AKNA: variants seen among roughly 807,000 people sequenced by gnomAD.
AKNA encodes the protein microtubule organization protein AKNA.
A neutral mutation model predicts 138.8 loss-of-function variants in AKNA; 67 were observed. The observed-to-expected ratio is 0.48, with a 90% CI of 0.40 to 0.59. The LOEUF is 0.59. AKNA is among the 20% of genes least tolerant of loss of function. The pLI, the probability that AKNA is intolerant of heterozygous loss-of-function variation, is 0.00. For synonymous variants in AKNA, 737 were observed against 754.4 expected, an observed-to-expected ratio of 0.98 and a Z score of 0.38; for missense variants, 1,813 against 1,880.4, an observed-to-expected ratio of 0.96 and a Z score of 0.66.
chr9:114,343,768 G>A lies in AKNA; in HGVS notation c.3697C>T (p.Pro1233Ser). Residue 1233 changes from proline (P) to serine (S), a missense_variant, in exon 19 of 22, where the codon CCA becomes TCA. Pro to Ser is a moderately conservative substitution (Grantham distance 74, BLOSUM62 -1). Transcript: ENST00000374088. ...CAGGAGACTGTGCCATTGCCTTTTG[G>A]GACCGCCTTAGGGGACAGAACATGG... is the stretch of plus-strand genomic sequence containing the variant. ...EYHVLSPKAV[P>S]KGNGTVSCPH... is the part of the protein sequence containing the mutation. The A allele has an allele frequency of 3.1e-6, 5 of 1,614,138 alleles. No individual in the cohort carries two copies. In the Admixed American group the frequency reaches 8.3e-5, roughly 27 times the overall value.
At chr9:114,369,418 T>C (rs1210805317) in intron 4 of AKNA, among the ~76,000 whole-genome samples, 1 of 152,218 alleles carries the variant, frequency 6.6e-6, no homozygotes, top group Non-Finnish European at 1.5e-5. Flanking sequence ...AGAGACTATA[T>C]GCTCCACAAA....
intron 17 of AKNA, 103 bp downstream of exon 17, chr9:114,346,566 T>G (rs1830701198): frequency 1.1e-6 from 1 of 897,962 alleles, no homozygotes; most frequent in Admixed American, 2.8e-5. Flanking sequence ...ACAAAAACCC[T>G]TCTCCAAGTT....
intron 2 of AKNA, among the ~76,000 whole-genome samples, chr9:114,378,495 A>G (rs1354240293): frequency 6.6e-6 from 1 of 152,160 alleles, no homozygotes; most frequent in Non-Finnish European, 1.5e-5. Flanking sequence ...TGTTTTGTTC[A>G]TGATTATATT....
At chr9:114,370,221 C>G (rs1423465218) in intron 4 of AKNA, among the ~76,000 whole-genome samples, 1 of 152,246 alleles carries the variant, frequency 6.6e-6, no homozygotes, top group Admixed American at 6.5e-5. Flanking sequence ...CAGGCCCAGC[C>G]TCCCCAGATG....
At chr9:114,381,878 T>C (rs1340348294) in intron 1 of AKNA, among the ~76,000 whole-genome samples, 1 of 152,112 alleles carries the variant, frequency 6.6e-6, no homozygotes, top group African/African-American at 2.4e-5. Flanking sequence ...CTCGAACTCC[T>C]GACCTTGTGA....
chr9:114,371,132 G>A (rs775898600), intron 4 of AKNA, among the ~76,000 whole-genome samples: 1 of 152,140 alleles, frequency 6.6e-6, no homozygotes, highest in Non-Finnish European at 1.5e-5. Flanking sequence ...CTGGCTCCCT[G>A]CCCCACAGCT....
chr9:114,354,303 T>C (rs545434128), intron 14 of AKNA, among the ~76,000 whole-genome samples: 4 of 152,198 alleles, frequency 2.6e-5, no homozygotes, highest in African/African-American at 9.6e-5. Context: ...GTCATCAATA[T>C]CCCTGTCTTC....
intron 3 of AKNA, among the ~76,000 whole-genome samples, chr9:114,374,396 C>A (rs971991459): frequency 2.6e-5 from 4 of 152,212 alleles, no homozygotes; most frequent in Non-Finnish European, 5.9e-5. Flanking sequence ...CTTCTACCCC[C>A]ATGACAACGG....
chr9:114,339,053 G>A (rs570054115), intron 21 of AKNA, among the ~76,000 whole-genome samples: 11 of 152,304 alleles, frequency 7.2e-5, no homozygotes, highest in Admixed American at 2.0e-4. Flanking sequence ...CTCAAATTAC[G>A]ATGGGGTTAT....
chr9:114,384,527 A>T (rs1833900767), intron 1 of AKNA, among the ~76,000 whole-genome samples: 1 of 152,190 alleles, frequency 6.6e-6, no homozygotes, highest in Non-Finnish European at 1.5e-5. Flanking sequence ...CAGTAGATCA[A>T]TCTCCCCCTT....
At chr9:114,392,774 G>A (rs1234523463), upstream of AKNA, among the ~76,000 whole-genome samples, 5 of 152,192 alleles carry the variant, frequency 3.3e-5, no homozygotes, top group Non-Finnish European at 7.3e-5. Context: ...TTCCCAAGTG[G>A]AGGGAGGTGC....
At chr9:114,358,786 A>C in intron 11 of AKNA, among the ~76,000 whole-genome samples, 1 of 142,376 alleles carries the variant, frequency 7.0e-6, no homozygotes, top group African/African-American at 2.6e-5. Flanking sequence ...AACAATGAAA[A>C]CAAATGGACA....
At chr9:114,343,940 G>A in intron 18 of AKNA, 137 bp from the exon 19 acceptor site, 1 of 715,150 alleles carries the variant, frequency 1.4e-6, no homozygotes. Flanking sequence ...TGCACACGGT[G>A]AGTGTGCATA....
In AKNA at chr9:114,357,080, T is replaced by G. The variant is rs567356268; in HGVS notation, c.2740-111A>C. The G allele has an allele frequency of 7.7e-6, 7 of 914,992 alleles. No homozygotes were observed. In the African/African-American group the frequency reaches 1.1e-4, roughly 14 times the overall value. The allele number at this position is 914,992 out of a possible 1,614,324, so 56.7% of individuals were successfully genotyped here. A position where few individuals can be genotyped will look rare whatever the true frequency, so the allele number is the denominator to read the frequency against. ...CTCCCAGAGGCTCACACCCCAGGGT[T>G]GCTGGCCCAGCTCCCAACAGCCAGG... On this transcript the variant is annotated intron_variant, in intron 12 of 21. Transcript: ENST00000374088.
chr9:114,372,642 C>G (rs189325084), intron 4 of AKNA, among the ~76,000 whole-genome samples: 314 of 152,304 alleles, frequency 2.1e-3, no homozygotes, highest in Non-Finnish European at 3.7e-3. Flanking sequence ...CCAACGGGAG[C>G]CCCAGTTTCC....
In AKNA at chr9:114,376,713, C is replaced by T. The variant is rs766681690; in HGVS notation, c.1094G>A (p.Gly365Glu). Reference sequence around the variant, plus strand: ...ATCTTTGGGGAATCTCACCCGGGGCCCTACCTTGGAGAAATCAGGGAGTGG... The same window carrying T: ...ATCTTTGGGGAATCTCACCCGGGGCTCTACCTTGGAGAAATCAGGGAGTGG... The part of the protein sequence containing the change: ...NYPLPDFSKV[G>E]PRVRFPKDES... The change falls in exon 3 of 22, where the codon GGG (glycine) becomes GAG (glutamate). Residue 365 changes from glycine (G) to glutamate (E), a missense_variant. Coordinates refer to ENST00000374088, the MANE Select transcript of AKNA (RefSeq NM_001317950.2). 8 of 1,612,532 alleles carry T rather than the reference C, an allele frequency of 5.0e-6. No individual in the cohort carries two copies. In the African/African-American group the frequency reaches 1.1e-4, roughly 22 times the overall value.
rs201983294 is a variant in AKNA at position 114,361,833 on chromosome 9, C to T, written c.1995G>A (p.Glu665=). 3.1e-6 allele frequency: 5 copies of T among 1,612,908 alleles called. No homozygotes were observed. The highest frequency in any genetic ancestry group is 4.5e-5 in the East Asian group (2 of 44,864). ...CTGAGTCTGACCCGGGCGGCTCAGG[C>T]TCTTGCTGGGTCTGGTCTATGTGTT... ...LKEHIDQTQQ[E]PEPPGSDSAL... The change falls in exon 9 of 22, where the codon GAG becomes GAA. Residue 665 remains glutamate, a synonymous_variant. Coordinates refer to ENST00000374088, the MANE Select transcript of AKNA (RefSeq NM_001317950.2).
Position 114,381,233 on chromosome 9 carries a change from T to A in AKNA, c.101A>T (p.Asp34Val), listed in dbSNP as rs747858944. ...TTCCCAGCTTTGTGAACTACTTCTATCCACATCCCTCTTGTCCTCGGCCCA... is the reference window on the plus strand; with the variant it reads ...TTCCCAGCTTTGTGAACTACTTCTAACCACATCCCTCTTGTCCTCGGCCCA... ...WAWAEDKRDVDRSSSQSWEEE... is the reference protein window; with the variant it reads ...WAWAEDKRDVVRSSSQSWEEE... The change falls in exon 2 of 22, where the codon GAT becomes GTT. Residue 34 changes from aspartate to valine, a missense_variant. Coordinates refer to ENST00000374088, the MANE Select transcript of AKNA (RefSeq NM_001317950.2). 3.1e-6 allele frequency: 5 copies of A among 1,614,168 alleles called. No individual in the cohort carries two copies. The highest frequency in any genetic ancestry group is 4.2e-6 in the Non-Finnish European group (5 of 1,180,022).
At chr9:114,391,754 T>C (rs1834346189), upstream of AKNA, among the ~76,000 whole-genome samples, 1 of 148,768 alleles carries the variant, frequency 6.7e-6, no homozygotes, top group Non-Finnish European at 1.5e-5. Context: ...CTTGGGAGGC[T>C]GAGGCAGGAC....
Sources: allele counts gnomAD v4.1 joint callset (sites outside exome capture counted in the v4.1 genomes callset), GRCh38; gene constraint gnomAD v4.1.1; transcripts MANE v1.5; gene names NCBI Gene and HGNC (gene_info 2026-07-23, HGNC 2026-07-21).